AGBL4: variants seen among roughly 807,000 people sequenced by gnomAD.
The protein encoded by AGBL4 is cytosolic carboxypeptidase 6.
AGBL4 carries 58 observed loss-of-function variants against 66.4 expected under a neutral mutation model. The ratio of observed to expected loss-of-function variants is 0.87; its 90% CI spans 0.71 to 1.09. AGBL4 has a LOEUF of 1.09. Among genes scored for constraint, AGBL4 ranks in the 50% least tolerant of loss-of-function variants. The pLI, the probability that AGBL4 is intolerant of heterozygous loss-of-function variation, is 0.00. For missense variants in AGBL4, 579 were observed against 631.0 expected (o/e 0.92, Z 0.88); for synonymous variants, 234 against 222.9 (o/e 1.05, Z -0.44).
intron 3 of AGBL4, among the ~76,000 whole-genome samples, chr1:49,397,637 G>T (rs1645000460): frequency 6.6e-6 from 1 of 152,082 alleles, no homozygotes; most frequent in Non-Finnish European, 1.5e-5. Flanking sequence ...TGGTAAAAAA[G>T]CAAACAAACA....
intron 3 of AGBL4, among the ~76,000 whole-genome samples, chr1:49,462,537 G>T (rs1308665474): frequency 6.6e-6 from 1 of 151,650 alleles, no homozygotes; most frequent in Non-Finnish European, 1.5e-5. Context: ...AGGGAGAAGA[G>T]AATTCTCAAA....
At chr1:49,184,147 C>A (rs998611275) in intron 4 of AGBL4, among the ~76,000 whole-genome samples, 1 of 152,118 alleles carries the variant, frequency 6.6e-6, no homozygotes, top group Non-Finnish European at 1.5e-5. Flanking sequence ...TACATACTGA[C>A]CCTCTGATAT....
intron 1 of AGBL4, among the ~76,000 whole-genome samples, chr1:49,937,861 T>C (rs1166457597): frequency 6.6e-6 from 1 of 151,968 alleles, no homozygotes; most frequent in Non-Finnish European, 1.5e-5. Flanking sequence ...GGATTATACA[T>C]TTATAGCACT....
At chr1:49,915,218 G>C (rs12119862) in intron 1 of AGBL4, among the ~76,000 whole-genome samples, 376 of 152,212 alleles carry the variant, frequency 2.5e-3, no homozygotes, top group Non-Finnish European at 3.7e-3. Context: ...ATCTCACTGG[G>C]GCATGTTGGA....
chr1:49,177,950 T>A (rs1409123128), intron 4 of AGBL4, among the ~76,000 whole-genome samples: 1 of 152,150 alleles, frequency 6.6e-6, no homozygotes, highest in African/African-American at 2.4e-5. Flanking sequence ...CAGGCCTACA[T>A]CTTCAGGTTT....
chr1:48,526,255 A>T, the AGBL4 span, among the ~76,000 whole-genome samples: 1 of 152,170 alleles, frequency 6.6e-6, no homozygotes, highest in Admixed American at 6.5e-5. Flanking sequence ...CACAAAAAGG[A>T]GGAGGGGAGA....
chr1:49,596,328 C>T (rs1644852973), intron 3 of AGBL4, among the ~76,000 whole-genome samples: 1 of 152,058 alleles, frequency 6.6e-6, no homozygotes, highest in African/African-American at 2.4e-5. Context: ...CACCACCATG[C>T]CCAATTGATT....
intron 1 of AGBL4, among the ~76,000 whole-genome samples, chr1:49,986,782 C>T (rs1278359174): frequency 6.6e-6 from 1 of 152,046 alleles, no homozygotes; most frequent in Non-Finnish European, 1.5e-5. Context: ...TGTCCCAGGC[C>T]TTACTAAACT....
intron 3 of AGBL4, among the ~76,000 whole-genome samples, chr1:49,629,092 G>A (rs572189764): frequency 2.6e-5 from 4 of 152,154 alleles, no homozygotes; most frequent in African/African-American, 9.7e-5. Context: ...AATACAACCT[G>A]CAAGTCAAAT....
At chr1:48,964,926 TG>T (rs1048923139) in intron 5 of AGBL4, among the ~76,000 whole-genome samples, 5 of 152,260 alleles carry the variant, frequency 3.3e-5, no homozygotes, top group African/African-American at 1.2e-4. Context: ...TCAAACAGTT[TG>T]TTGATGGTAA....
intron 5 of AGBL4, among the ~76,000 whole-genome samples, chr1:48,889,319 TA>T: frequency 6.6e-6 from 1 of 152,178 alleles, no homozygotes; most frequent in East Asian, 1.9e-4. Context: ...GTCTATTTAA[TA>T]TCCGCTTTTT....
intron 1 of AGBL4, among the ~76,000 whole-genome samples, chr1:49,993,126 C>T (rs1660089868): frequency 6.6e-6 from 1 of 152,150 alleles, no homozygotes; most frequent in Admixed American, 6.5e-5. Flanking sequence ...GATATGAATA[C>T]ACTGATGAAT....
chr1:49,870,260 G>A (rs1412171052), intron 1 of AGBL4, among the ~76,000 whole-genome samples: 2 of 151,976 alleles, frequency 1.3e-5, no homozygotes, highest in Non-Finnish European at 2.9e-5. Context: ...GAAAATCACT[G>A]GGATTAATGA....
In AGBL4 at chr1:48,696,832, C is replaced by T. The variant is rs571823581; in HGVS notation, c.635-33591G>A. On this transcript the variant is annotated intron_variant, in intron 6 of 13. Transcript: ENST00000371839. ...ATGAGAGGTAGTTGTGCTTCAAACACGCAGAATCAAGGGTAGCCCTTGAAA... is the reference window on the plus strand; with the variant it reads ...ATGAGAGGTAGTTGTGCTTCAAACATGCAGAATCAAGGGTAGCCCTTGAAA... Among the ~76,000 whole-genome samples the T allele has an allele frequency of 9.2e-5, 14 of 152,308 alleles. No homozygotes were observed. In the South Asian group the frequency reaches 1.0e-3, roughly 11 times the overall value.
intron 5 of AGBL4, among the ~76,000 whole-genome samples, chr1:48,887,831 T>C (rs1301422162): frequency 1.3e-5 from 2 of 152,204 alleles, no homozygotes; most frequent in African/African-American, 2.4e-5. Flanking sequence ...CACCAGTATC[T>C]GTAACTGTGT....
intron 6 of AGBL4, among the ~76,000 whole-genome samples, chr1:48,712,459 T>C (rs1387202938): frequency 1.3e-5 from 2 of 152,238 alleles, no homozygotes; most frequent in East Asian, 3.8e-4. Flanking sequence ...ATGAGGCCTT[T>C]ACCTCTCAAT....
chr1:49,800,146 C>T (rs1220189635), intron 2 of AGBL4, among the ~76,000 whole-genome samples: 1 of 152,114 alleles, frequency 6.6e-6, no homozygotes, highest in South Asian at 2.1e-4. Flanking sequence ...TTGGTGTTTA[C>T]ACCTTTATGT....
intron 1 of AGBL4, among the ~76,000 whole-genome samples, chr1:50,006,933 C>T (rs1222114483): frequency 6.6e-6 from 1 of 152,132 alleles, no homozygotes; most frequent in South Asian, 2.1e-4. Context: ...AATATTTTAA[C>T]ACTGTAATTG....
chr1:49,909,210 G>T (rs934399151), intron 1 of AGBL4, among the ~76,000 whole-genome samples: 1 of 152,026 alleles, frequency 6.6e-6, no homozygotes, highest in Non-Finnish European at 1.5e-5. Context: ...AATTTTTGAA[G>T]TATCTGGCAT....
Sources: allele counts gnomAD v4.1 joint callset (sites outside exome capture counted in the v4.1 genomes callset), GRCh38; gene constraint gnomAD v4.1.1; transcripts MANE v1.5; gene names NCBI Gene and HGNC (gene_info 2026-07-23, HGNC 2026-07-21).